Variants in HNRNPF observed in about 807,000 individuals in gnomAD.
HNRNPF encodes the protein HnRNP F protein.
HNRNPF carries 2 observed loss-of-function variants against 26.0 expected under a neutral mutation model. The observed-to-expected ratio is 0.08, with a 90% CI of 0.03 to 0.24. HNRNPF has a LOEUF of 0.24. Among genes scored for constraint, HNRNPF ranks in the 10% least tolerant of loss-of-function variants. The pLI is 1.00. For synonymous variants in HNRNPF, 234 were observed against 211.5 expected (o/e 1.11, Z -0.92); for missense variants, 299 against 539.2 (o/e 0.55, Z 4.41).
At chr10:43,408,778 T>C (rs1839011618) in intron 1 of HNRNPF, 1 of 152,194 alleles carries the variant, frequency 6.6e-6, no homozygotes, top group Non-Finnish European at 1.5e-5. Context: ...ACCCCGGTGG[T>C]CCCTTGGAGC....
chr10:43,387,915 C>T lies in HNRNPF; in HGVS notation c.-31G>A. 1 of 1,523,104 alleles carries T rather than the reference C, an allele frequency of 6.6e-7. No individual in the cohort carries two copies. The highest frequency in any genetic ancestry group is 2.2e-5 in the Admixed American group (1 of 46,422). 94.3% of individuals were successfully genotyped at this position (1,523,104 alleles called of 1,614,324 possible). On this transcript the variant is annotated 5_prime_UTR_variant, in exon 4 of 4. Coordinates refer to ENST00000682386, the MANE Select transcript of HNRNPF (RefSeq NM_001098204.2). The surrounding 1 kb of genome is among the most constrained non-coding windows in gnomAD (Gnocchi z 6.0). ...CTTGTCAGGGTGGGTGTCAGGTGAT[C>T]TTGGGTGTGGCTTTTTTGTGGCTGG...
chr10:43,397,758 A>G (rs1391418550), intron 1 of HNRNPF, among the ~76,000 whole-genome samples: 2 of 152,350 alleles, frequency 1.3e-5, no homozygotes, highest in Admixed American at 1.3e-4. Context: ...AGCAATTTCG[A>G]TAATATGATC....
chr10:43,390,359 A>C (rs1410667995), intron 3 of HNRNPF, among the ~76,000 whole-genome samples: 1 of 152,142 alleles, frequency 6.6e-6, no homozygotes, highest in African/African-American at 2.4e-5. Flanking sequence ...AAAGTATCTG[A>C]AGGCCTCCCT....
intron 3 of HNRNPF, among the ~76,000 whole-genome samples, chr10:43,394,091 G>C (rs941555599): frequency 6.6e-6 from 1 of 152,198 alleles, no homozygotes; most frequent in Admixed American, 6.5e-5. Context: ...ACTTGTGCCT[G>C]TTTTGTTGGC....
chr10:43,398,176 T>G (rs537546643), intron 1 of HNRNPF, among the ~76,000 whole-genome samples: 10 of 151,812 alleles, frequency 6.6e-5, no homozygotes, highest in Middle Eastern at 3.4e-3. Context: ...TATAGGCCCA[T>G]GCCACTATAC....
At position 43,393,596 on chromosome 10, in the gene HNRNPF, CAAA is replaced by C. The variant is rs60717059; in HGVS notation, c.-53+1031_-53+1033del. Among the ~76,000 whole-genome samples, 15 of 141,038 alleles carry C rather than the reference CAAA, an allele frequency of 1.1e-4. No individual in the cohort carries two copies. In the East Asian group the frequency reaches 1.2e-3, roughly 12 times the overall value. 92.5% of individuals were successfully genotyped at this position (141,038 alleles called of 152,430 possible). On this transcript the variant is annotated intron_variant, in intron 3 of 3. Coordinates refer to ENST00000682386, the MANE Select transcript of HNRNPF (RefSeq NM_001098204.2). ...AGGCAACAGGAGCAAAACTCCATCT[CAAA>C]AAAAAAAAAAAGTTTTCCAAGCACA...
rs551052502 is a variant in HNRNPF, at chr10:43,385,983, C to G, written c.*654G>C. The G allele has an allele frequency of 6.5e-6, 1 of 152,690 alleles. No homozygotes were observed. Among genetic ancestry groups the G allele is most frequent in the East Asian group, 1.9e-4 (1 of 5,192 alleles). 9.5% of individuals were successfully genotyped at this position (152,690 alleles called of 1,614,324 possible). On this transcript the variant is annotated 3_prime_UTR_variant, in exon 4 of 4. Coordinates refer to ENST00000682386, the MANE Select transcript of HNRNPF (RefSeq NM_001098204.2). ...ATTAAAATGAATTATCTTCAACCAC[C>G]CGTTTTGCTATCTTTTGCTGAGTAA...
chr10:43,401,201 G>T (rs1838744884), intron 1 of HNRNPF, among the ~76,000 whole-genome samples: 1 of 152,222 alleles, frequency 6.6e-6, no homozygotes, highest in Admixed American at 6.5e-5. Context: ...CATGCAACAG[G>T]AAAGCTGTTT....
At chr10:43,390,156 T>C (rs1838186171) in intron 3 of HNRNPF, among the ~76,000 whole-genome samples, 1 of 152,174 alleles carries the variant, frequency 6.6e-6, no homozygotes, top group African/African-American at 2.4e-5. Flanking sequence ...GGGAATTCTG[T>C]GCTAACAGTT....
chr10:43,408,418 C>T (rs1195294617), intron 1 of HNRNPF, among the ~76,000 whole-genome samples: 1 of 152,186 alleles, frequency 6.6e-6, no homozygotes, highest in Admixed American at 6.5e-5. Flanking sequence ...CGTACGGGCC[C>T]CTCGACCTCG....
chr10:43,405,748 T>G (rs1007121718), intron 1 of HNRNPF, among the ~76,000 whole-genome samples: 1 of 152,086 alleles, frequency 6.6e-6, no homozygotes, highest in African/African-American at 2.4e-5. Flanking sequence ...AGTATCATGG[T>G]TAGGTTTTAA....
intron 1 of HNRNPF, among the ~76,000 whole-genome samples, chr10:43,398,366 C>CA: frequency 8.0e-6 from 1 of 124,534 alleles, no homozygotes; most frequent in South Asian, 2.7e-4. Context: ...TTTTGAGAGA[C>CA]AGTCTTGCTC....
intron 2 of HNRNPF, among the ~76,000 whole-genome samples, chr10:43,395,370 A>C (rs147920261): frequency 2.0e-5 from 3 of 152,322 alleles, no homozygotes; most frequent in Admixed American, 6.5e-5. Flanking sequence ...CATACATCAT[A>C]ATCACTAGAT....
intron 1 of HNRNPF, among the ~76,000 whole-genome samples, chr10:43,401,497 C>T (rs761329773): frequency 1.3e-5 from 2 of 152,024 alleles, no homozygotes; most frequent in Non-Finnish European, 2.9e-5. Context: ...TTCCTTAAAA[C>T]GTTAATAAAA....
At chr10:43,406,821 T>C (rs529339473) in intron 1 of HNRNPF, among the ~76,000 whole-genome samples, 1 of 152,282 alleles carries the variant, frequency 6.6e-6, no homozygotes, top group East Asian at 1.9e-4. Context: ...ATAATGACTC[T>C]AATCTACAGA....
rs143284143 is a variant in HNRNPF at position 43,387,754 on chromosome 10, T to C, written c.131A>G (p.His44Arg). The change falls in exon 4 of 4, where the codon CAT (histidine) becomes CGT (arginine). Residue 44 changes from histidine to arginine, a missense_variant. By Grantham distance (29) the His-to-Arg change is conservative. This residue lies in a region of HNRNPF where 104 missense variants were observed against 239.0 expected (regional missense o/e 0.44). Transcript: ENST00000682386. The surrounding 1 kb of genome is among the most constrained non-coding windows in gnomAD (Gnocchi z 6.0). Reference sequence around the variant, plus strand: ...CCTGCCCTCTCTAGTGTAGATGAAATGGACACCTGCGGCCCCATCATGAAT... The same window carrying C: ...CCTGCCCTCTCTAGTGTAGATGAAACGGACACCTGCGGCCCCATCATGAAT... The part of the protein sequence containing the change: ...CTIHDGAAGV[H>R]FIYTREGRQS... The C allele has an allele frequency of 5.0e-5, 80 of 1,613,396 alleles. No individual in the cohort carries two copies. Among genetic ancestry groups the C allele is most frequent in the Non-Finnish European group, 6.5e-5 (77 of 1,179,858 alleles).
rs1209590899 is a variant in HNRNPF at position 43,386,416 on chromosome 10, GTTAA to G, written c.*217_*220del. On this transcript the variant is annotated 3_prime_UTR_variant, in exon 4 of 4. Transcript: ENST00000682386. Reference sequence around the variant, plus strand: ...TCACTCTGAAGTATACTACCAAAATGTTAATTGAGAAAAGCTGAAAATAGTTTTA... The same window carrying G: ...TCACTCTGAAGTATACTACCAAAATGTTGAGAAAAGCTGAAAATAGTTTTA... 39 of 492,000 alleles carry G rather than the reference GTTAA, an allele frequency of 7.9e-5. No homozygotes were observed. The highest frequency in any genetic ancestry group is 6.6e-4 in the East Asian group (20 of 30,402). 30.5% of individuals were successfully genotyped at this position (492,000 alleles called of 1,614,324 possible). A position where few individuals can be genotyped will look rare whatever the true frequency, so the allele number is the denominator to read the frequency against.
chr10:43,387,504 A>G lies in HNRNPF; in HGVS notation c.381T>C (p.Ile127=), dbSNP rs1186871372. The G allele has an allele frequency of 1.2e-6, 2 of 1,614,086 alleles. No individual in the cohort carries two copies. Among genetic ancestry groups the G allele is most frequent in the Non-Finnish European group, 1.7e-6 (2 of 1,180,048 alleles). ...TTTCCAACCCTGAGAAGAACTGAACAATTTCTTCCTTTGTGCATCCAAATG... is the reference window on the plus strand; with the variant it reads ...TTTCCAACCCTGAGAAGAACTGAACGATTTCTTCCTTTGTGCATCCAAATG... The part of the protein sequence containing the change: ...GLPFGCTKEE[I]VQFFSGLEIV... Residue 127 remains isoleucine (I), a synonymous_variant, in exon 4 of 4, where the codon ATT becomes ATC. Coordinates refer to ENST00000682386, the MANE Select transcript of HNRNPF (RefSeq NM_001098204.2). This position sits in a 1 kb window ranked among gnomAD's most constrained non-coding sequence, Gnocchi z 6.0.
At chr10:43,393,445 A>C (rs1268926835) in intron 3 of HNRNPF, among the ~76,000 whole-genome samples, 1 of 152,128 alleles carries the variant, frequency 6.6e-6, no homozygotes, top group Non-Finnish European at 1.5e-5. Flanking sequence ...AAAATACAAA[A>C]TTAGCCAGGC....
Sources: allele counts gnomAD v4.1 joint callset (sites outside exome capture counted in the v4.1 genomes callset), GRCh38; gene constraint gnomAD v4.1.1; regional missense constraint gnomAD v4.1.1; non-coding constraint Gnocchi (gnomAD v3.1); transcripts MANE v1.5; gene names NCBI Gene and HGNC (gene_info 2026-07-23, HGNC 2026-07-21).